The following SLC16A10 variants were observed in gnomAD, a reference collection of about 807,000 sequenced individuals.
The protein encoded by SLC16A10 is monocarboxylate transporter 10.
In SLC16A10, 27 loss-of-function variants were observed where a neutral mutation model predicts 40.0. The ratio of observed to expected loss-of-function variants is 0.67; its 90% CI spans 0.50 to 0.93. SLC16A10 has a LOEUF of 0.93. Among genes scored for constraint, SLC16A10 ranks in the 40% least tolerant of loss-of-function variants. The pLI is 0.00. For missense variants in SLC16A10, 529 were observed against 658.2 expected, an observed-to-expected ratio of 0.80 and a Z score of 2.15; for synonymous variants, 213 against 249.8, an observed-to-expected ratio of 0.85 and a Z score of 1.39.
intron 3 of SLC16A10, among the ~76,000 whole-genome samples, chr6:111,183,862 T>C (rs960632242): frequency 1.3e-4 from 20 of 152,258 alleles, no homozygotes; most frequent in African/African-American, 4.8e-4. Context: ...GAGTGGTGTG[T>C]TTAAGAATAG....
In SLC16A10 at chr6:111,090,654, T is replaced by C. The variant is rs192690749; in HGVS notation, c.343+2559T>C. Among the ~76,000 whole-genome samples the C allele has an allele frequency of 1.7e-4, 26 of 152,310 alleles. 1 individual carries two copies. In the East Asian group the frequency reaches 4.6e-3, roughly 27 times the overall value. On this transcript the variant is annotated intron_variant, in intron 1 of 5. Coordinates refer to ENST00000368851, the MANE Select transcript of SLC16A10 (RefSeq NM_018593.5). Reference sequence around the variant, plus strand: ...GTGCACACACACACACACAAAGGTGTTTCATGAAGTCCCTCATCTACCACA... The same window carrying C: ...GTGCACACACACACACACAAAGGTGCTTCATGAAGTCCCTCATCTACCACA...
intron 1 of SLC16A10, 64 bp downstream of exon 1, chr6:111,088,159 G>A: frequency 6.6e-7 from 1 of 1,509,956 alleles, no homozygotes. Context: ...AGCGCATCCC[G>A]CGTGTGGGCT....
chr6:111,214,845 C>T (rs1326535599), intron 4 of SLC16A10, among the ~76,000 whole-genome samples: 2 of 152,088 alleles, frequency 1.3e-5, no homozygotes, highest in African/African-American at 2.4e-5. Context: ...TCAGTCTGGG[C>T]GCGGTGGCTC....
chr6:111,146,220 T>C (rs1388381508), intron 1 of SLC16A10, among the ~76,000 whole-genome samples: 4 of 152,196 alleles, frequency 2.6e-5, no homozygotes, highest in Admixed American at 6.5e-5. Flanking sequence ...CTCAACCTCA[T>C]TGGTCATTAG....
chr6:111,109,533 C>T (rs1351437130), intron 1 of SLC16A10, among the ~76,000 whole-genome samples: 2 of 150,854 alleles, frequency 1.3e-5, no homozygotes, highest in Admixed American at 6.6e-5. Flanking sequence ...TGGCTCACTG[C>T]AGCCTTGACT....
chr6:111,137,731 T>C (rs1460707535), intron 1 of SLC16A10, among the ~76,000 whole-genome samples: 2 of 152,234 alleles, frequency 1.3e-5, no homozygotes, highest in Admixed American at 6.5e-5. Flanking sequence ...TGGGTTTTCC[T>C]GTTGAGAGGG....
chr6:111,144,743 C>T (rs949271803), intron 1 of SLC16A10, among the ~76,000 whole-genome samples: 1 of 152,230 alleles, frequency 6.6e-6, no homozygotes, highest in Non-Finnish European at 1.5e-5. Flanking sequence ...GGCACAGGTA[C>T]ATCCATATGT....
At chr6:111,127,107 T>C (rs1771688742) in intron 1 of SLC16A10, among the ~76,000 whole-genome samples, 1 of 152,226 alleles carries the variant, frequency 6.6e-6, no homozygotes, top group South Asian at 2.1e-4. Flanking sequence ...TATACGCTAG[T>C]CATTGTGCTA....
At chr6:111,151,239 C>G (rs1772166966) in intron 1 of SLC16A10, among the ~76,000 whole-genome samples, 1 of 152,174 alleles carries the variant, frequency 6.6e-6, no homozygotes, top group African/African-American at 2.4e-5. Context: ...GCTTTATATT[C>G]AGGCATATTG....
At chr6:111,134,571 C>T (rs1333896240) in intron 1 of SLC16A10, among the ~76,000 whole-genome samples, 1 of 151,826 alleles carries the variant, frequency 6.6e-6, no homozygotes, top group African/African-American at 2.4e-5. Context: ...AAAAAAAAGG[C>T]CACTGCTTTA....
At chr6:111,218,117 T>C (rs1770803541) in intron 4 of SLC16A10, among the ~76,000 whole-genome samples, 1 of 152,070 alleles carries the variant, frequency 6.6e-6, no homozygotes, top group Non-Finnish European at 1.5e-5. Flanking sequence ...TATACATAGT[T>C]TTAAAGGTTA....
chr6:111,184,926 C>T (rs1038511940), intron 3 of SLC16A10, among the ~76,000 whole-genome samples: 3 of 152,108 alleles, frequency 2.0e-5, no homozygotes, highest in Admixed American at 2.0e-4. Flanking sequence ...GCTATTAGAC[C>T]TTGCTAGGCA....
chr6:111,141,276 A>G (rs1170775913), intron 1 of SLC16A10, among the ~76,000 whole-genome samples: 1 of 152,246 alleles, frequency 6.6e-6, no homozygotes, highest in Non-Finnish European at 1.5e-5. Flanking sequence ...ATATTTTGGT[A>G]TTCTAGTAAC....
rs569973991 is a variant in SLC16A10, at chr6:111,092,837, T to C, written c.343+4742T>C. Among the ~76,000 whole-genome samples, 1,472 of 150,614 alleles carry C rather than the reference T, an allele frequency of 9.8e-3. 5 individuals are homozygous for C. The highest frequency in any genetic ancestry group is 0.018 in the African/African-American group (723 of 41,190). ...GGTGGATCACCTGAGGTCAGGAGAT[T>C]GAGACCAGCCTGGCCAAGATGGTGA... On this transcript the variant is annotated intron_variant, in intron 1 of 5. Coordinates refer to ENST00000368851, the MANE Select transcript of SLC16A10 (RefSeq NM_018593.5).
At chr6:111,139,527 C>G (rs747264716) in intron 1 of SLC16A10, among the ~76,000 whole-genome samples, 1 of 152,196 alleles carries the variant, frequency 6.6e-6, no homozygotes, top group Non-Finnish European at 1.5e-5. Context: ...GTCTCAATCT[C>G]TTGACCTGGT....
At chr6:111,213,632 C>T (rs896690069) in intron 4 of SLC16A10, among the ~76,000 whole-genome samples, 14 of 152,162 alleles carry the variant, frequency 9.2e-5, no homozygotes, top group East Asian at 1.9e-4. Flanking sequence ...TCAGAGGCTC[C>T]GTACTCAGTC....
rs111697973 is a variant in SLC16A10, at chr6:111,152,825, A to G, written c.344-19870A>G. The stretch of plus-strand genomic sequence containing the variant: ...AGCAGTAACTTCCCTTTCAAAGACT[A>G]AGTGTTCTCATTCAATCATTTGATA... On this transcript the variant is annotated intron_variant, in intron 1 of 5. Coordinates refer to ENST00000368851, the MANE Select transcript of SLC16A10 (RefSeq NM_018593.5). 2.6e-3 allele frequency among the ~76,000 whole-genome samples: 390 copies of G among 152,322 alleles called. 2 individuals carry two copies. The highest frequency in any genetic ancestry group is 8.9e-3 in the African/African-American group (369 of 41,578).
intron 4 of SLC16A10, among the ~76,000 whole-genome samples, chr6:111,209,035 C>CA (rs879672374): frequency 6.3e-4 from 92 of 146,604 alleles, no homozygotes; most frequent in African/African-American, 1.5e-3. Context: ...TCATCTCTAC[C>CA]AAAAAAAAAA....
intron 3 of SLC16A10, among the ~76,000 whole-genome samples, chr6:111,194,760 G>C (rs892887004): frequency 2.6e-5 from 4 of 152,232 alleles, no homozygotes; most frequent in African/African-American, 9.6e-5. Flanking sequence ...CTCTCTCAGG[G>C]ACTTTTCAGT....
Sources: gnomAD v4.1 joint callset for allele counts (sites outside exome capture counted in the v4.1 genomes callset) on GRCh38, gnomAD v4.1.1 for gene constraint, MANE v1.5 for transcripts, NCBI Gene and HGNC (gene_info 2026-07-23, HGNC 2026-07-21) for gene names.